The following ATP10B variants were observed in gnomAD, a reference collection of about 807,000 sequenced individuals.
ATP10B encodes the protein ATPase phospholipid transporting 10B (putative).
A neutral mutation model predicts 141.2 loss-of-function variants in ATP10B; 122 were observed. The ratio of observed to expected loss-of-function variants is 0.86; its 90% CI spans 0.75 to 1.00. ATP10B has a LOEUF of 1.00. ATP10B is among the 50% of genes least tolerant of loss of function. ATP10B has a pLI of 0.00. For missense variants in ATP10B, 1,876 were observed against 1,825.3 expected (o/e 1.03, Z -0.51); for synonymous variants, 685 against 692.0 (o/e 0.99, Z 0.16).
intron 4 of ATP10B, among the ~76,000 whole-genome samples, 160 bp downstream of exon 4, chr5:160,688,600 C>G (rs1763903322): frequency 6.6e-6 from 1 of 152,198 alleles, no homozygotes; most frequent in Non-Finnish European, 1.5e-5. Flanking sequence ...GAACACTATT[C>G]TTTCTATACT....
At chr5:160,804,029 C>CCT (rs560727293) in intron 1 of ATP10B, among the ~76,000 whole-genome samples, 213 of 152,060 alleles carry the variant, frequency 1.4e-3, no homozygotes, top group African/African-American at 5.0e-3. Flanking sequence ...GCCCTGATGT[C>CCT]CTCCTGTGTT....
At chr5:160,801,966 C>G (rs114246769) in intron 1 of ATP10B, among the ~76,000 whole-genome samples, 1 of 152,110 alleles carries the variant, frequency 6.6e-6, no homozygotes, top group African/African-American at 2.4e-5. Flanking sequence ...AAATATTTAT[C>G]GGATGCAGGC....
chr5:160,801,995 G>A (rs1315358133), intron 1 of ATP10B, among the ~76,000 whole-genome samples: 2 of 152,170 alleles, frequency 1.3e-5, no homozygotes, highest in Non-Finnish European at 2.9e-5. Context: ...TGATGGTCAA[G>A]ATGAACGTTT....
At chr5:160,861,266 T>C in the ATP10B span, among the ~76,000 whole-genome samples, 16 of 151,850 alleles carry the variant, frequency 1.1e-4, no homozygotes, top group Non-Finnish European at 2.2e-4. Context: ...TTTTACACAC[T>C]AGAATAGAGA....
At chr5:160,585,469 T>C (rs1755822799) in intron 24 of ATP10B, among the ~76,000 whole-genome samples, 1 of 152,136 alleles carries the variant, frequency 6.6e-6, no homozygotes, top group African/African-American at 2.4e-5. Context: ...CTGGGCATGG[T>C]GGCACGCGCC....
rs748565686 is a variant in ATP10B, at chr5:160,598,986, A to C, written c.3364-16T>G. On this transcript the variant is annotated splice_polypyrimidine_tract_variant and intron_variant, in intron 21 of 25. Coordinates refer to ENST00000327245, the MANE Select transcript of ATP10B (RefSeq NM_025153.3). ...TGACGTAGCACTGCAGGCAGAGAGC[A>C]TGGCCTTGTGAGTGGGGCTCCATGT... is the stretch of plus-strand genomic sequence containing the variant. 2 of 1,612,982 alleles carry C rather than the reference A, an allele frequency of 1.2e-6. No individual in the cohort carries two copies. The highest frequency in any genetic ancestry group is 3.3e-5 in the Admixed American group (2 of 59,990).
At chr5:160,841,390 A>G (rs1243578486) in intron 1 of ATP10B, among the ~76,000 whole-genome samples, 1 of 152,214 alleles carries the variant, frequency 6.6e-6, no homozygotes, top group African/African-American at 2.4e-5. Flanking sequence ...TTATCTTTAC[A>G]AAGAGAAACC....
Position 160,767,635 on chromosome 5 carries a change from A to ACCCCCCCC in ATP10B, c.-331+17916_-331+17923dup, listed in dbSNP as rs531198402. On this transcript the variant is annotated intron_variant, in intron 2 of 25. Transcript: ENST00000327245. Reference sequence around the variant, plus strand: ...ATGGTGTGAGGGTCATGTGTGCAGAACCCCCCCCCCCAAAATAACAGGTTA... The same window carrying ACCCCCCCC: ...ATGGTGTGAGGGTCATGTGTGCAGAACCCCCCCCCCCCCCCCCCCAAAATAACAGGTTA... Among the ~76,000 whole-genome samples, 132 of 86,700 alleles carry ACCCCCCCC rather than the reference A, an allele frequency of 1.5e-3. 6 individuals are homozygous for ACCCCCCCC. Among genetic ancestry groups the ACCCCCCCC allele is most frequent in the Admixed American group, 2.5e-3 (16 of 6,416 alleles). The allele number at this position is 86,700 out of a possible 152,430, so 56.9% of individuals were successfully genotyped here.
intron 9 of ATP10B, 123 bp from the exon 10 acceptor site, chr5:160,640,715 TG>T (rs1759793089): frequency 1.5e-6 from 2 of 1,318,674 alleles, no homozygotes; most frequent in Admixed American, 4.9e-5. Flanking sequence ...AACCTGAACT[TG>T]CCCCGCCTCA....
chr5:160,867,597 G>C, the ATP10B span, among the ~76,000 whole-genome samples: 2 of 152,054 alleles, frequency 1.3e-5, no homozygotes, highest in Non-Finnish European at 2.9e-5. Context: ...AGATAAGCAT[G>C]TATCCATATG....
chr5:160,800,135 G>A (rs977805697), intron 1 of ATP10B, among the ~76,000 whole-genome samples: 3 of 152,116 alleles, frequency 2.0e-5, no homozygotes, highest in Non-Finnish European at 2.9e-5. Context: ...ATCTTGGCTG[G>A]TACTTCATAT....
chr5:160,588,081 C>T (rs755405027), intron 24 of ATP10B, among the ~76,000 whole-genome samples: 1 of 152,170 alleles, frequency 6.6e-6, no homozygotes, highest in Non-Finnish European at 1.5e-5. Flanking sequence ...AACTTCTCAC[C>T]TTGTGATCTG....
At chr5:160,826,121 G>A (rs1447795727) in intron 1 of ATP10B, among the ~76,000 whole-genome samples, 2 of 152,090 alleles carry the variant, frequency 1.3e-5, no homozygotes, top group Non-Finnish European at 2.9e-5. Context: ...ATGAACATAT[G>A]AGTGTATGTG....
intron 7 of ATP10B, among the ~76,000 whole-genome samples, chr5:160,652,486 T>A: frequency 6.9e-6 from 1 of 145,344 alleles, no homozygotes; most frequent in Admixed American, 7.0e-5. Flanking sequence ...CGAGACAGGG[T>A]CTCACTCTGT....
intron 9 of ATP10B, 139 bp from the exon 10 acceptor site, chr5:160,640,731 G>A: frequency 8.4e-7 from 1 of 1,186,856 alleles, no homozygotes; most frequent in Non-Finnish European, 1.2e-6. Context: ...GCCTCAGAAG[G>A]TTGCTGAGAA....
chr5:160,800,418 A>G (rs1772297073), intron 1 of ATP10B, among the ~76,000 whole-genome samples: 1 of 152,244 alleles, frequency 6.6e-6, no homozygotes, highest in Non-Finnish European at 1.5e-5. Context: ...AGCATTTACT[A>G]AGTGCAAAGA....
intron 24 of ATP10B, among the ~76,000 whole-genome samples, chr5:160,579,351 T>G (rs1394735626): frequency 6.6e-6 from 1 of 152,176 alleles, no homozygotes; most frequent in Non-Finnish European, 1.5e-5. Context: ...TTGTATAAGG[T>G]GTAAGGAAGG....
At chr5:160,905,660 A>G in the ATP10B span, among the ~76,000 whole-genome samples, 1 of 152,098 alleles carries the variant, frequency 6.6e-6, no homozygotes, top group Non-Finnish European at 1.5e-5. Flanking sequence ...TATATAAAGC[A>G]CTCAACAAAG....
intron 2 of ATP10B, among the ~76,000 whole-genome samples, chr5:160,731,228 TA>T (rs1362563227): frequency 1.3e-5 from 2 of 152,122 alleles, no homozygotes; most frequent in African/African-American, 2.4e-5. Context: ...CGTTTGTGAG[TA>T]AAGATGGGGA....
Sources: gnomAD v4.1 joint callset for allele counts (sites outside exome capture counted in the v4.1 genomes callset) on GRCh38, gnomAD v4.1.1 for gene constraint, MANE v1.5 for transcripts, NCBI Gene and HGNC (gene_info 2026-07-23, HGNC 2026-07-21) for gene names.